POPDC1: variants seen among roughly 807,000 people sequenced by gnomAD.
The protein encoded by POPDC1 is popeye domain-containing protein 1.
the POPDC1 span, chr6:105,098,589 AT>A: frequency 6.6e-6 from 1 of 152,184 alleles, no homozygotes; most frequent in Non-Finnish European, 1.5e-5. Flanking sequence ...TAATGACTGT[AT>A]AGAGTGATTT....
chr6:105,131,133 C>T, the POPDC1 span, among the ~76,000 whole-genome samples: 1 of 152,180 alleles, frequency 6.6e-6, no homozygotes, highest in Non-Finnish European at 1.5e-5. Flanking sequence ...AAATCATTGA[C>T]ACACGCATAC....
At chr6:105,132,455 C>T in the POPDC1 span, among the ~76,000 whole-genome samples, 1 of 152,190 alleles carries the variant, frequency 6.6e-6, no homozygotes, top group African/African-American at 2.4e-5. Flanking sequence ...AGCCTATCAC[C>T]TTCTCCGTGT....
the POPDC1 span, chr6:105,115,836 CAA>C: frequency 5.6e-6 from 9 of 1,612,270 alleles, no homozygotes; most frequent in Admixed American, 1.7e-5. Context: ...TTCTACAAAG[CAA>C]AGTTTTAAGC....
chr6:105,105,632 T>C, the POPDC1 span, among the ~76,000 whole-genome samples: 6 of 152,262 alleles, frequency 3.9e-5, no homozygotes, highest in African/African-American at 1.2e-4. Context: ...CAAAACCAAT[T>C]TGTAGTAAGA....
the POPDC1 span, chr6:105,116,789 G>C: frequency 1.9e-6 from 3 of 1,612,712 alleles, no homozygotes; most frequent in Non-Finnish European, 2.5e-6. Flanking sequence ...ATACAAGAAA[G>C]GTTCTGATTC....
the POPDC1 span, among the ~76,000 whole-genome samples, chr6:105,123,862 C>A: frequency 6.6e-6 from 1 of 152,110 alleles, no homozygotes; most frequent in Non-Finnish European, 1.5e-5. Context: ...TAAGGCAAAG[C>A]CAGTTTTCTG....
the POPDC1 span, among the ~76,000 whole-genome samples, chr6:105,119,058 G>A: frequency 0.029 from 4,437 of 151,846 alleles, 125 homozygotes; most frequent in Non-Finnish European, 0.043. Flanking sequence ...GGTGGCAGGC[G>A]CCTGTAATCC....
chr6:105,101,449 G>A, the POPDC1 span, among the ~76,000 whole-genome samples: 2 of 152,200 alleles, frequency 1.3e-5, no homozygotes, highest in Non-Finnish European at 2.9e-5. Context: ...TCCACCGCAT[G>A]TGCTTGGATG....
At chr6:105,111,766 G>A in the POPDC1 span, among the ~76,000 whole-genome samples, 1 of 152,180 alleles carries the variant, frequency 6.6e-6, no homozygotes, top group African/African-American at 2.4e-5. Context: ...AGTACAACAT[G>A]AGAAATGGGA....
chr6:105,125,312 C>T, the POPDC1 span: 1 of 1,482,716 alleles, frequency 6.7e-7, no homozygotes, highest in Non-Finnish European at 9.3e-7. Context: ...GGCAACATTT[C>T]CTCCCATTCA....
the POPDC1 span, among the ~76,000 whole-genome samples, chr6:105,135,535 T>A: frequency 2.0e-5 from 3 of 152,172 alleles, no homozygotes; most frequent in Non-Finnish European, 4.4e-5. Context: ...TGCCTATTAA[T>A]CCACTATAAT....
At chr6:105,106,835 G>A in the POPDC1 span, among the ~76,000 whole-genome samples, 1 of 152,066 alleles carries the variant, frequency 6.6e-6, no homozygotes, top group African/African-American at 2.4e-5. Context: ...GGTACATAGT[G>A]GATGTATATA....
At chr6:105,113,750 G>C in the POPDC1 span, among the ~76,000 whole-genome samples, 115 of 151,786 alleles carry the variant, frequency 7.6e-4, no homozygotes, top group African/African-American at 2.7e-3. Flanking sequence ...CACCCGAGGC[G>C]GGTGGGATCC....
the POPDC1 span, among the ~76,000 whole-genome samples, chr6:105,128,674 T>C: frequency 6.6e-6 from 1 of 152,246 alleles, no homozygotes; most frequent in African/African-American, 2.4e-5. Context: ...TAGAATCTTC[T>C]ATGAATCATC....
the POPDC1 span, among the ~76,000 whole-genome samples, chr6:105,128,554 CCTGGA>C: frequency 3.3e-5 from 5 of 152,094 alleles, no homozygotes; most frequent in Admixed American, 2.6e-4. Context: ...CATAGCATAA[CCTGGA>C]AAAAACTGAA....
chr6:105,122,140 C>T, the POPDC1 span, among the ~76,000 whole-genome samples: 1 of 152,144 alleles, frequency 6.6e-6, no homozygotes, highest in South Asian at 2.1e-4. Context: ...CCAACAGGAA[C>T]ATTTTGTAAA....
chr6:105,100,302 G>C, the POPDC1 span: 1 of 152,050 alleles, frequency 6.6e-6, no homozygotes, highest in Admixed American at 6.6e-5. Flanking sequence ...GAGGTCAGGA[G>C]ATCGAGACCA....
At chr6:105,127,980 A>T in the POPDC1 span, among the ~76,000 whole-genome samples, 2 of 152,144 alleles carry the variant, frequency 1.3e-5, no homozygotes, top group Non-Finnish European at 2.9e-5. Flanking sequence ...GACTGGTCTT[A>T]AACTCCTGAC....
chr6:105,098,408 C>T, the POPDC1 span: 1 of 152,176 alleles, frequency 6.6e-6, no homozygotes, highest in Non-Finnish European at 1.5e-5. Flanking sequence ...CTTGAGGTTA[C>T]AATCTTCACA....
Sources: gnomAD v4.1 joint callset for allele counts (sites outside exome capture counted in the v4.1 genomes callset) on GRCh38, gnomAD v4.1.1 for gene constraint, MANE v1.5 for transcripts, NCBI Gene and HGNC (gene_info 2026-07-23, HGNC 2026-07-21) for gene names.